IMMP2L: variants seen among roughly 807,000 people sequenced by gnomAD.
IMMP2L encodes mitochondrial inner membrane protease subunit 2.
In IMMP2L, 18 loss-of-function variants were observed where a neutral mutation model predicts 19.3. That is an observed-to-expected ratio of 0.93 (90% confidence interval 0.64 to 1.38). The LOEUF (loss-of-function observed/expected upper bound fraction) is 1.38. Ranked by LOEUF, IMMP2L falls within the 40% of genes most tolerant of loss-of-function variation. IMMP2L has a pLI of 0.00. For missense variants in IMMP2L, 233 were observed against 218.2 expected, an observed-to-expected ratio of 1.07 and a Z score of -0.43; for synonymous variants, 76 against 73.0, an observed-to-expected ratio of 1.04 and a Z score of -0.21.
At chr7:111,530,995 C>T (rs1201744259) in intron 1 of IMMP2L, among the ~76,000 whole-genome samples, 1 of 149,682 alleles carries the variant, frequency 6.7e-6, no homozygotes, top group Admixed American at 6.7e-5. Context: ...CTTGCTCTGT[C>T]ACCCAGGCTG....
chr7:111,557,096 C>T (rs1331285758), intron 1 of IMMP2L, among the ~76,000 whole-genome samples: 7 of 152,128 alleles, frequency 4.6e-5, no homozygotes, highest in Non-Finnish European at 1.0e-4. Flanking sequence ...TCTCCCTCAT[C>T]TTACTTTTCC....
intron 2 of IMMP2L, among the ~76,000 whole-genome samples, chr7:111,503,490 T>C (rs1844528245): frequency 6.6e-6 from 1 of 152,160 alleles, no homozygotes; most frequent in Non-Finnish European, 1.5e-5. Flanking sequence ...ATCATCCTGA[T>C]ACCAAAGCCT....
intron 5 of IMMP2L, among the ~76,000 whole-genome samples, chr7:110,706,819 T>A (rs1794719285): frequency 6.6e-6 from 1 of 152,110 alleles, no homozygotes; most frequent in Non-Finnish European, 1.5e-5. Context: ...ATTGATAGTT[T>A]CTTTTGCTGT....
chr7:111,000,160 G>A (rs1386318805), intron 3 of IMMP2L, among the ~76,000 whole-genome samples: 1 of 152,124 alleles, frequency 6.6e-6, no homozygotes, highest in East Asian at 1.9e-4. Flanking sequence ...GAGAGGAATG[G>A]AGGCAATTTC....
At chr7:111,319,474 G>A (rs191153052) in intron 3 of IMMP2L, among the ~76,000 whole-genome samples, 1 of 152,170 alleles carries the variant, frequency 6.6e-6, no homozygotes, top group East Asian at 1.9e-4. Context: ...TGGTGAGATG[G>A]TGGGAAGAGA....
chr7:110,972,706 T>C (rs968955416), intron 3 of IMMP2L, among the ~76,000 whole-genome samples: 1 of 152,000 alleles, frequency 6.6e-6, no homozygotes, highest in Admixed American at 6.6e-5. Context: ...GTTATCTCAC[T>C]AGGGTAAACC....
chr7:110,907,864 G>A (rs559970614), intron 4 of IMMP2L, among the ~76,000 whole-genome samples: 5 of 152,268 alleles, frequency 3.3e-5, no homozygotes, highest in South Asian at 2.1e-4. Flanking sequence ...TGGTGGGGGG[G>A]AAATGCTTCA....
chr7:111,257,903 G>A (rs1163724758), intron 3 of IMMP2L, among the ~76,000 whole-genome samples: 4 of 151,780 alleles, frequency 2.6e-5, no homozygotes, highest in Non-Finnish European at 4.4e-5. Context: ...TTTACATTAG[G>A]TATTTCTCCT....
intron 3 of IMMP2L, among the ~76,000 whole-genome samples, chr7:111,288,335 T>C (rs983423938): frequency 1.3e-5 from 2 of 152,138 alleles, no homozygotes; most frequent in Non-Finnish European, 1.5e-5. Flanking sequence ...ATAAAAACCC[T>C]AGAAGAAAAT....
chr7:111,218,379 C>T (rs900988898), intron 3 of IMMP2L, among the ~76,000 whole-genome samples: 5 of 151,930 alleles, frequency 3.3e-5, no homozygotes, highest in African/African-American at 1.2e-4. Flanking sequence ...AATGCATGTA[C>T]CTATGCTATT....
chr7:111,259,796 C>G (rs182004611), intron 3 of IMMP2L, among the ~76,000 whole-genome samples: 218 of 151,982 alleles, frequency 1.4e-3, no homozygotes, highest in Non-Finnish European at 2.3e-3. Context: ...TTCTTTAAAC[C>G]TTTATAAGTC....
At chr7:111,230,054 A>G (rs1376483859) in intron 3 of IMMP2L, among the ~76,000 whole-genome samples, 1 of 152,084 alleles carries the variant, frequency 6.6e-6, no homozygotes, top group Non-Finnish European at 1.5e-5. Flanking sequence ...TAAATTCCCA[A>G]CTATAACCAC....
Position 111,390,302 on chromosome 7 carries a change from T to C in IMMP2L, c.239+96936A>G, listed in dbSNP as rs554360227. The stretch of plus-strand genomic sequence containing the variant: ...GGTTCTGTCAGGCCTGCCTCACAGT[T>C]TGGCTTCCTCCCCTGCTCAATCCTG... On this transcript the variant is annotated intron_variant, in intron 3 of 5. Coordinates refer to ENST00000405709, the MANE Select transcript of IMMP2L (RefSeq NM_032549.4). Among the ~76,000 whole-genome samples, 9 of 152,260 alleles carry C rather than the reference T, an allele frequency of 5.9e-5. No homozygotes were observed. In the East Asian group the frequency reaches 1.5e-3, roughly 26 times the overall value.
chr7:110,925,929 A>T (rs1814801125), intron 4 of IMMP2L, among the ~76,000 whole-genome samples: 1 of 151,980 alleles, frequency 6.6e-6, no homozygotes, highest in Non-Finnish European at 1.5e-5. Flanking sequence ...AATTTAGATA[A>T]CTCCCATACT....
chr7:110,779,042 TTAATTA>T (rs1003382771), intron 5 of IMMP2L, among the ~76,000 whole-genome samples: 6 of 151,956 alleles, frequency 3.9e-5, no homozygotes, highest in African/African-American at 1.4e-4. Context: ...TTTATTACCT[TTAATTA>T]TAAGTAACGA....
chr7:110,891,048 T>C (rs1325522027), intron 4 of IMMP2L, among the ~76,000 whole-genome samples: 1 of 152,092 alleles, frequency 6.6e-6, no homozygotes. Flanking sequence ...CTTATTTCTT[T>C]ATTTTTCAAA....
At chr7:111,535,754 T>C (rs1460178603) in intron 1 of IMMP2L, among the ~76,000 whole-genome samples, 1 of 151,768 alleles carries the variant, frequency 6.6e-6, no homozygotes, top group Non-Finnish European at 1.5e-5. Flanking sequence ...AGCAAATGAG[T>C]TGGGAGAACA....
chr7:111,252,844 A>G (rs1241488324), intron 3 of IMMP2L, among the ~76,000 whole-genome samples: 2 of 152,186 alleles, frequency 1.3e-5, no homozygotes, highest in Non-Finnish European at 2.9e-5. Flanking sequence ...AAAACCTTAG[A>G]GTTTTACTCA....
intron 3 of IMMP2L, among the ~76,000 whole-genome samples, chr7:111,212,823 C>A (rs867451751): frequency 5.9e-5 from 9 of 152,176 alleles, no homozygotes; most frequent in African/African-American, 1.7e-4. Context: ...TTCCATGGGG[C>A]TTCTGCTATT....
Sources: allele counts gnomAD v4.1 joint callset (sites outside exome capture counted in the v4.1 genomes callset), GRCh38; gene constraint gnomAD v4.1.1; transcripts MANE v1.5; gene names NCBI Gene and HGNC (gene_info 2026-07-23, HGNC 2026-07-21).